The following NFIX variants were observed in gnomAD, a reference collection of about 807,000 sequenced individuals.
NFIX encodes nuclear factor I X.
NFIX carries 2 observed loss-of-function variants against 53.3 expected under a neutral mutation model. The ratio of observed to expected loss-of-function variants is 0.04; its 90% CI spans 0.02 to 0.12. The LOEUF is 0.12. Ranked by LOEUF, NFIX falls within the 10% of genes least tolerant of loss-of-function variation. NFIX has a pLI of 1.00. For missense variants in NFIX, 310 were observed against 674.5 expected, an observed-to-expected ratio of 0.46 and a Z score of 5.99; for synonymous variants, 244 against 289.0, an observed-to-expected ratio of 0.84 and a Z score of 1.58.
rs1682507345 is a variant in NFIX at position 13,045,459 on chromosome 19, G to A, written c.559+19907G>A. On this transcript the variant is annotated intron_variant, in intron 2 of 10. Transcript: ENST00000592199. This position sits in a 1 kb window ranked among gnomAD's most constrained non-coding sequence, Gnocchi z 4.4. ...CTAGCTGTCCTACACTGCACAAGAC[G>A]ACCCCCCATAGAAGACAGTATCTAG... 6.6e-6 allele frequency among the ~76,000 whole-genome samples: 1 copy of A among 152,050 alleles called. No homozygotes were observed. Among genetic ancestry groups the A allele is most frequent in the African/African-American group, 2.4e-5 (1 of 41,358 alleles).
chr19:13,069,630 G>A (rs2016647487), intron 2 of NFIX, among the ~76,000 whole-genome samples: 1 of 152,226 alleles, frequency 6.6e-6, no homozygotes, highest in African/African-American at 2.4e-5. Flanking sequence ...GACAGAGCGT[G>A]GAGACTGAGT....
chr19:13,043,843 G>A lies in NFIX; in HGVS notation c.559+18291G>A, dbSNP rs1355979167. On this transcript the variant is annotated intron_variant, in intron 2 of 10. Transcript: ENST00000592199. The surrounding 1 kb of genome is among the most constrained non-coding windows in gnomAD (Gnocchi z 4.0). ...ATTCATCTCGAAAACTGGGCCGTAG[G>A]GCCAGGTGTGGTGGCTCATACCTGT... 2.0e-5 allele frequency among the ~76,000 whole-genome samples: 3 copies of A among 152,126 alleles called. No individual in the cohort carries two copies. The highest frequency in any genetic ancestry group is 7.2e-5 in the African/African-American group (3 of 41,416).
In NFIX at chr19:13,078,761, G is replaced by A. The variant is rs1431425190; in HGVS notation, c.1078+26G>A. 1 of 1,586,652 alleles carries A rather than the reference G, an allele frequency of 6.3e-7. No homozygotes were observed. Among genetic ancestry groups the A allele is most frequent in the Non-Finnish European group, 8.6e-7 (1 of 1,165,870 alleles). On this transcript the variant is annotated intron_variant, in intron 7 of 10. Transcript: ENST00000592199. This position sits in a 1 kb window ranked among gnomAD's most constrained non-coding sequence, Gnocchi z 4.7. ...GTGAGAAATGGGGGGCCCCGGAGGGGGGCAGTTGGGGAGGTGGCTGAGTAT... is the reference window on the plus strand; with the variant it reads ...GTGAGAAATGGGGGGCCCCGGAGGGAGGCAGTTGGGGAGGTGGCTGAGTAT...
chr19:13,053,559 C>T (rs1394270191), intron 2 of NFIX, among the ~76,000 whole-genome samples: 1 of 152,064 alleles, frequency 6.6e-6, no homozygotes, highest in African/African-American at 2.4e-5. Flanking sequence ...GAGAAAGGCC[C>T]CTAACCATCC....
In NFIX at chr19:13,002,214, C is replaced by T. The variant is rs1381665090; in HGVS notation, c.27+6350C>T. On this transcript the variant is annotated intron_variant, in intron 1 of 10. Coordinates refer to ENST00000592199, the MANE Select transcript of NFIX (RefSeq NM_001365902.3). This position sits in a 1 kb window ranked among gnomAD's most constrained non-coding sequence, Gnocchi z 6.1. Reference sequence around the variant, plus strand: ...TTCCCCCTTTCTCTCTCTCTCTTTCCTCCCTCTCTCCTCCCCTCCTCCCCT... The same window carrying T: ...TTCCCCCTTTCTCTCTCTCTCTTTCTTCCCTCTCTCCTCCCCTCCTCCCCT... Among the ~76,000 whole-genome samples, 1 of 151,024 alleles carries T rather than the reference C, an allele frequency of 6.6e-6. No individual in the cohort carries two copies. Among genetic ancestry groups the T allele is most frequent in the Non-Finnish European group, 1.5e-5 (1 of 67,644 alleles).
chr19:13,030,881 G>A (rs984876317), intron 2 of NFIX, among the ~76,000 whole-genome samples: 2 of 152,216 alleles, frequency 1.3e-5, no homozygotes, highest in Non-Finnish European at 2.9e-5. Context: ...ATTACAGCAC[G>A]ACATCAGTTA....
chr19:13,057,460 C>T (rs2015776231), intron 2 of NFIX, among the ~76,000 whole-genome samples: 1 of 152,204 alleles, frequency 6.6e-6, no homozygotes, highest in African/African-American at 2.4e-5. Flanking sequence ...GTGCGAGGAG[C>T]CCTACGAGCT....
At chr19:13,030,364 C>T (rs968080514) in intron 2 of NFIX, among the ~76,000 whole-genome samples, 1 of 152,124 alleles carries the variant, frequency 6.6e-6, no homozygotes, top group Non-Finnish European at 1.5e-5. Flanking sequence ...GTAAAGATAC[C>T]GGCACATAGC....
chr19:13,014,167 G>A lies in NFIX; in HGVS notation c.28-10854G>A, dbSNP rs1188068783. 1 of 152,196 alleles carries A rather than the reference G, an allele frequency of 6.6e-6. No homozygotes were observed. Among genetic ancestry groups the A allele is most frequent in the Non-Finnish European group, 1.5e-5 (1 of 68,034 alleles). 9.4% of individuals were successfully genotyped at this position (152,196 alleles called of 1,614,324 possible). A position where few individuals can be genotyped will look rare whatever the true frequency, so the allele number is the denominator to read the frequency against. On this transcript the variant is annotated intron_variant, in intron 1 of 10. Coordinates refer to ENST00000592199, the MANE Select transcript of NFIX (RefSeq NM_001365902.3). The surrounding 1 kb of genome is among the most constrained non-coding windows in gnomAD (Gnocchi z 4.4). ...AGGGCGGAAAGCGCGCTTTTCGGCA[G>A]AGCTGGTTAGTTTTTAATGCGGGCT... is the stretch of plus-strand genomic sequence containing the variant.
rs960457635 is a variant in NFIX, at chr19:13,095,665, C to G, written c.*1016C>G. 1 of 152,376 alleles carries G rather than the reference C, an allele frequency of 6.6e-6. No individual in the cohort carries two copies. The highest frequency in any genetic ancestry group is 1.5e-5 in the Non-Finnish European group (1 of 68,084). The allele number at this position is 152,376 out of a possible 1,614,324, so 9.4% of individuals were successfully genotyped here. On this transcript the variant is annotated 3_prime_UTR_variant, in exon 11 of 11. Transcript: ENST00000592199. ...CCGGAGGGTGGAGCAGAAAGGGGAC[C>G]CCGGAGCCGAGCGAGGAGGACCAGG...
At chr19:13,032,136 G>C (rs1039577784) in intron 2 of NFIX, among the ~76,000 whole-genome samples, 3 of 152,210 alleles carry the variant, frequency 2.0e-5, no homozygotes, top group African/African-American at 7.2e-5. Context: ...TGGAGGGGGA[G>C]GGGGGCAGGA....
chr19:12,999,196 C>T lies in NFIX; in HGVS notation c.27+3332C>T, dbSNP rs146988609. On this transcript the variant is annotated intron_variant, in intron 1 of 10. Transcript: ENST00000592199. The stretch of plus-strand genomic sequence containing the variant: ...TTTTCTATTTTTTTTTTTTTTGAGA[C>T]GGAGCCTTGCTCTGTCGCCCAGGTT... 9.3e-5 allele frequency among the ~76,000 whole-genome samples: 14 copies of T among 149,912 alleles called. No individual in the cohort carries two copies. The East Asian group carries it at 1.8e-3, about 19-fold the overall frequency.
intron 2 of NFIX, among the ~76,000 whole-genome samples, chr19:13,048,406 C>T (rs1181677322): frequency 2.0e-5 from 3 of 152,120 alleles, no homozygotes; most frequent in Non-Finnish European, 2.9e-5. Context: ...AACCACAGGC[C>T]GGTGAAAGGG....
Position 13,097,723 on chromosome 19 carries a change from C to T in NFIX, c.*3074C>T, listed in dbSNP as rs117198656. 2,277 of 149,104 alleles carry T rather than the reference C, an allele frequency of 0.015. 26 individuals are homozygous for T. The highest frequency in any genetic ancestry group is 0.023 in the Non-Finnish European group (1,565 of 66,914). 9.2% of individuals were successfully genotyped at this position (149,104 alleles called of 1,614,324 possible). The stretch of plus-strand genomic sequence containing the variant: ...AAACGTCCCCTCCCTCCCTCCCTCT[C>T]CGCCCCGAGCGCCCTTCTTTGAGCC... On this transcript the variant is annotated 3_prime_UTR_variant, in exon 11 of 11. Coordinates refer to ENST00000592199, the MANE Select transcript of NFIX (RefSeq NM_001365902.3).
intron 2 of NFIX, among the ~76,000 whole-genome samples, chr19:13,050,268 G>C (rs1276760487): frequency 6.6e-6 from 1 of 152,208 alleles, no homozygotes; most frequent in Non-Finnish European, 1.5e-5. Flanking sequence ...TGAGTGTGCT[G>C]TGCTATTCCT....
rs1432238583 is a variant in NFIX, at chr19:13,043,369, C to T, written c.559+17817C>T. Among the ~76,000 whole-genome samples, 2 of 152,172 alleles carry T rather than the reference C, an allele frequency of 1.3e-5. No homozygotes were observed. The highest frequency in any genetic ancestry group is 2.9e-5 in the Non-Finnish European group (2 of 68,032). On this transcript the variant is annotated intron_variant, in intron 2 of 10. Transcript: ENST00000592199. The surrounding 1 kb of genome is among the most constrained non-coding windows in gnomAD (Gnocchi z 4.0). The stretch of plus-strand genomic sequence containing the variant: ...TGGCCTTGGGACTGCAGAAGTGGCT[C>T]TTGAGACTGTCTGGTGGTGAGCAGG...
intron 2 of NFIX, among the ~76,000 whole-genome samples, chr19:13,033,958 T>TAGAC (rs1225135729): frequency 1.3e-5 from 2 of 152,176 alleles, no homozygotes; most frequent in East Asian, 3.8e-4. Context: ...TTGAGTGATA[T>TAGAC]AGACAGGGCA....
Position 13,090,453 on chromosome 19 carries a change from T to C in NFIX, c.1494+63T>C, listed in dbSNP as rs1438072561. On this transcript the variant is annotated intron_variant, in intron 10 of 10. Transcript: ENST00000592199. The surrounding 1 kb of genome is among the most constrained non-coding windows in gnomAD (Gnocchi z 6.6). ...GGGGAGTAGTCAGGGTTGGGGGGCA[T>C]CTTGGTGTTAGGGAAGAGCCTGGAG... 1.4e-6 allele frequency: 2 copies of C among 1,481,440 alleles called. No homozygotes were observed. The highest frequency in any genetic ancestry group is 2.8e-5 in the African/African-American group (2 of 72,204). 91.8% of individuals were successfully genotyped at this position (1,481,440 alleles called of 1,614,324 possible). A position where few individuals can be genotyped will look rare whatever the true frequency, so the allele number is the denominator to read the frequency against.
rs937383641 is a variant in NFIX at position 13,081,625 on chromosome 19, C to T, written c.1079-55C>T. 1.9e-6 allele frequency: 3 copies of T among 1,572,388 alleles called. No individual in the cohort carries two copies. In the Admixed American group the frequency reaches 5.2e-5, roughly 27 times the overall value. The stretch of plus-strand genomic sequence containing the variant: ...AGCTCCCCTCCTCTCCTGTCCCTCC[C>T]ACTGGCTGCCTCCTTGGCCCTGACG... On this transcript the variant is annotated intron_variant, in intron 7 of 10. Coordinates refer to ENST00000592199, the MANE Select transcript of NFIX (RefSeq NM_001365902.3). This position sits in a 1 kb window ranked among gnomAD's most constrained non-coding sequence, Gnocchi z 4.7.
Sources: allele counts gnomAD v4.1 joint callset (sites outside exome capture counted in the v4.1 genomes callset), GRCh38; gene constraint gnomAD v4.1.1; non-coding constraint Gnocchi (gnomAD v3.1); transcripts MANE v1.5; gene names NCBI Gene and HGNC (gene_info 2026-07-23, HGNC 2026-07-21).